CATSPER4: variants seen among roughly 807,000 people sequenced by gnomAD.
CATSPER4 encodes the protein cation channel sperm-associated protein 4.
In CATSPER4, 46 loss-of-function variants were observed where a neutral mutation model predicts 54.4. That is an observed-to-expected ratio of 0.84 (90% CI 0.67 to 1.08). The LOEUF (loss-of-function observed/expected upper bound fraction) is 1.08, where lower values mean the gene tolerates loss of function less well. CATSPER4 is among the 50% of genes least tolerant of loss of function. The probability of loss-of-function intolerance (pLI) is 0.00; values close to 1 mark genes in which losing one functional copy is unlikely to be tolerated. For synonymous variants in CATSPER4, 230 were observed against 231.9 expected (o/e 0.99, Z 0.08); for missense variants, 574 against 612.8 (o/e 0.94, Z 0.67).
At chr1:26,196,143 C>CT (rs2088935215) in intron 3 of CATSPER4, among the ~76,000 whole-genome samples, 2 of 119,218 alleles carry the variant, frequency 1.7e-5, no homozygotes, top group African/African-American at 7.3e-5. Flanking sequence ...TCTTTCTTTT[C>CT]CTTTTTTTTT....
At position 26,198,035 on chromosome 1, in the gene CATSPER4, T is replaced by C; in HGVS notation, c.636T>C (p.Pro212=). The C allele has an allele frequency of 6.2e-7, 1 of 1,614,002 alleles. No homozygotes were observed. The highest frequency in any genetic ancestry group is 1.3e-5 in the African/African-American group (1 of 75,036). ...TCCGCGTCATCCTGCAGTCGGTGCC[T>C]GACATGGCCAATATCATGGTCCTCA... ...RIIRVILQSV[P]DMANIMVLIL... Residue 212 remains proline, a synonymous_variant, in exon 5 of 10, where the codon CCT becomes CCC. Transcript: ENST00000456354.
Position 26,202,661 on chromosome 1 carries a change from C to A in CATSPER4, c.*119C>A. ...GCCCATCCTCTCCCTTATACCTGGGCAGAGGCCAGGGGCTGTGAAGGTGGC... is the reference window on the plus strand; with the variant it reads ...GCCCATCCTCTCCCTTATACCTGGGAAGAGGCCAGGGGCTGTGAAGGTGGC... On this transcript the variant is annotated 3_prime_UTR_variant, in exon 10 of 10. Coordinates refer to ENST00000456354, the MANE Select transcript of CATSPER4 (RefSeq NM_198137.2). The A allele has an allele frequency of 1.0e-6, 1 of 967,162 alleles. No individual in the cohort carries two copies. Among genetic ancestry groups the A allele is most frequent in the Non-Finnish European group, 1.6e-6 (1 of 616,448 alleles). The allele number at this position is 967,162 out of a possible 1,614,324, so 59.9% of individuals were successfully genotyped here.
rs149417932 is a variant in CATSPER4, at chr1:26,201,434, G to A, written c.1280G>A (p.Gly427Glu). 71 of 1,614,006 alleles carry A rather than the reference G, an allele frequency of 4.4e-5. No individual in the cohort carries two copies. The African/African-American group carries it at 9.2e-4, about 21-fold the overall frequency. The change falls in exon 9 of 10, where the codon GGG (glycine) becomes GAG (glutamate). Residue 427 changes from glycine to glutamate, a missense_variant. Coordinates refer to ENST00000456354, the MANE Select transcript of CATSPER4 (RefSeq NM_198137.2). ...EVLNRRSSTS[G>E]SLETTSSKDI... Reference sequence around the variant, plus strand: ...TTGAACAGGCGCTCGTCGACGAGCGGGTCGTTGGAGACTACGTCATCCAAG... The same window carrying A: ...TTGAACAGGCGCTCGTCGACGAGCGAGTCGTTGGAGACTACGTCATCCAAG...
Position 26,198,314 on chromosome 1 carries a change from T to A in CATSPER4, c.707T>A (p.Phe236Tyr). 6.2e-7 allele frequency: 1 copy of A among 1,614,208 alleles called. No homozygotes were observed. The highest frequency in any genetic ancestry group is 8.5e-7 in the Non-Finnish European group (1 of 1,180,026). The change falls in exon 6 of 10, where the codon TTT becomes TAT. Residue 236 changes from phenylalanine to tyrosine, a missense_variant. Coordinates refer to ENST00000456354, the MANE Select transcript of CATSPER4 (RefSeq NM_198137.2). ...TTTTCCGTGTTTGGAGTAACACTCT[T>A]TGGTGCATTCGTGCCCAAGCATTTC... ...LVFSVFGVTL[F>Y]GAFVPKHFQN... is the part of the protein sequence containing the mutation.
rs114243558 is a variant in CATSPER4, at chr1:26,197,999, C to T, written c.600C>T (p.Leu200=). The T allele has an allele frequency of 3.0e-5, 48 of 1,613,866 alleles. No individual in the cohort carries two copies. In the East Asian group the frequency reaches 5.3e-4, roughly 18 times the overall value. Residue 200 remains leucine, a synonymous_variant, in exon 5 of 10, where the codon CTC becomes CTT. Coordinates refer to ENST00000456354, the MANE Select transcript of CATSPER4 (RefSeq NM_198137.2). The part of the protein sequence containing the change: ...LVHVCMAVEP[L]ARIIRVILQS... ...ATGTGTGCATGGCGGTGGAGCCCCTCGCCCGGATCATCCGCGTCATCCTGC... is the reference window on the plus strand; with the variant it reads ...ATGTGTGCATGGCGGTGGAGCCCCTTGCCCGGATCATCCGCGTCATCCTGC...
intron 3 of CATSPER4, among the ~76,000 whole-genome samples, chr1:26,194,643 C>T (rs1216664120): frequency 2.0e-5 from 3 of 152,192 alleles, no homozygotes; most frequent in Non-Finnish European, 4.4e-5. Context: ...ACAACAGGAG[C>T]TACATGCTGA....
In CATSPER4 at chr1:26,202,702, G is replaced by A. The variant is rs142388907; in HGVS notation, c.*160G>A. 1.4e-3 allele frequency: 959 copies of A among 697,528 alleles called. 2 individuals carry two copies. The highest frequency in any genetic ancestry group is 5.8e-3 in the Middle Eastern group (15 of 2,572). The allele number at this position is 697,528 out of a possible 1,614,324, so 43.2% of individuals were successfully genotyped here. A position where few individuals can be genotyped will look rare whatever the true frequency, so the allele number is the denominator to read the frequency against. Reference sequence around the variant, plus strand: ...TGAAGGTGGCAGCACCTGCAGGTCTGGTGCCTGTGAGCCCCAGGTCCGGTG... The same window carrying A: ...TGAAGGTGGCAGCACCTGCAGGTCTAGTGCCTGTGAGCCCCAGGTCCGGTG... On this transcript the variant is annotated 3_prime_UTR_variant, in exon 10 of 10. Transcript: ENST00000456354.
rs57458709 is a variant in CATSPER4, at chr1:26,197,197, C to T, written c.460-489C>T. On this transcript the variant is annotated intron_variant, in intron 3 of 9. Coordinates refer to ENST00000456354, the MANE Select transcript of CATSPER4 (RefSeq NM_198137.2). ...CTGGGATTACAGGTGTGAGCCATCG[C>T]GCCTGGCCCGCCTGTCTCCCTTTCT... Among the ~76,000 whole-genome samples the T allele has an allele frequency of 4.3e-3, 658 of 152,266 alleles. 5 individuals carry two copies. Among genetic ancestry groups the T allele is most frequent in the African/African-American group, 0.015 (622 of 41,552 alleles).
In CATSPER4 at chr1:26,191,473, G is replaced by A. The variant is rs781022634; in HGVS notation, c.357+43G>A. 1.9e-5 allele frequency: 30 copies of A among 1,609,228 alleles called. No homozygotes were observed. The Admixed American group carries it at 4.5e-4, about 24-fold the overall frequency. ...CCTCTGCCCCACTAACCCTAATGGGGGGCCTGGGGCAAGAACTCTTCCGGC... is the reference window on the plus strand; with the variant it reads ...CCTCTGCCCCACTAACCCTAATGGGAGGCCTGGGGCAAGAACTCTTCCGGC... On this transcript the variant is annotated intron_variant, in intron 2 of 9. Coordinates refer to ENST00000456354, the MANE Select transcript of CATSPER4 (RefSeq NM_198137.2).
At position 26,190,791 on chromosome 1, in the gene CATSPER4, G is replaced by A. The variant is rs1437800889; in HGVS notation, c.164G>A (p.Arg55Gln). The change falls in exon 1 of 10, where the codon CGG (arginine) becomes CAG (glutamine). Residue 55 changes from arginine to glutamine, a missense_variant. Coordinates refer to ENST00000456354, the MANE Select transcript of CATSPER4 (RefSeq NM_198137.2). The part of the protein sequence containing the change: ...LQSTIHESYG[R>Q]PEEQVLINRQ... Reference sequence around the variant, plus strand: ...AGTACCATTCACGAGTCCTACGGTCGGCCAGAGGAGCAAGTGCTCATCAAC... The same window carrying A: ...AGTACCATTCACGAGTCCTACGGTCAGCCAGAGGAGCAAGTGCTCATCAAC... 9.9e-6 allele frequency: 16 copies of A among 1,613,028 alleles called. No individual in the cohort carries two copies. Among genetic ancestry groups the A allele is most frequent in the Middle Eastern group, 1.7e-4 (1 of 6,010 alleles).
Position 26,198,377 on chromosome 1 carries a change from G to A in CATSPER4, c.770G>A (p.Cys257Tyr). 1 of 1,614,120 alleles carries A rather than the reference G, an allele frequency of 6.2e-7. No homozygotes were observed. The highest frequency in any genetic ancestry group is 8.5e-7 in the Non-Finnish European group (1 of 1,180,026). ...IQVALYTLFICITQDGWVDIY... is the reference protein window; with the variant it reads ...IQVALYTLFIYITQDGWVDIY... ...GTTGCGCTGTACACCCTCTTCATCT[G>A]CATCACCCAGGACGGCTGGGTGGAC... Residue 257 changes from cysteine to tyrosine, a missense_variant, in exon 6 of 10, where the codon TGC becomes TAC. By Grantham distance (194) the Cys-to-Tyr change is radical. Coordinates refer to ENST00000456354, the MANE Select transcript of CATSPER4 (RefSeq NM_198137.2).
At chr1:26,201,665 TTTTTTC>T in intron 9 of CATSPER4, 146 bp downstream of exon 9, 1 of 720,374 alleles carries the variant, frequency 1.4e-6, no homozygotes, top group Non-Finnish European at 2.4e-6. Flanking sequence ...CTTTTTTTTC[TTTTTTC>T]TTTTTCTTTC....
chr1:26,193,936 C>T (rs2088904968), intron 3 of CATSPER4, 48 bp downstream of exon 3: 1 of 1,262,672 alleles, frequency 7.9e-7, no homozygotes, highest in South Asian at 1.2e-5. Flanking sequence ...GGACTGCACA[C>T]CACCCAGTCT....
At position 26,200,042 on chromosome 1, in the gene CATSPER4, GAAT is replaced by G. The variant is rs1557632309; in HGVS notation, c.974_976del (p.Ile325del). 1 of 1,613,568 alleles carries G rather than the reference GAAT, an allele frequency of 6.2e-7. No individual in the cohort carries two copies. Among genetic ancestry groups the G allele is most frequent in the Admixed American group, 1.7e-5 (1 of 59,892 alleles). On this transcript the variant is annotated inframe_deletion, in exon 7 of 10. Transcript: ENST00000456354. Reference sequence around the variant, plus strand: ...GCAGGAGAGCAGGGACAACAGCAACGAATAACCTTTAGTGAGGTGCGTGGGATG... The same window carrying G: ...GCAGGAGAGCAGGGACAACAGCAACGAACCTTTAGTGAGGTGCGTGGGATG...
chr1:26,194,677 G>A (rs2088910316), intron 3 of CATSPER4, among the ~76,000 whole-genome samples: 1 of 152,226 alleles, frequency 6.6e-6, no homozygotes, highest in African/African-American at 2.4e-5. Context: ...TGGATCTGCA[G>A]ACAGGCAGAC....
intron 3 of CATSPER4, among the ~76,000 whole-genome samples, chr1:26,194,649 G>A (rs11809207): frequency 0.19 from 28,447 of 152,170 alleles, 2,938 homozygotes; most frequent in Middle Eastern, 0.27. Context: ...GGAGCTACAT[G>A]CTGAATTGAT....
intron 5 of CATSPER4, 26 bp from the exon 6 acceptor site, chr1:26,198,260 G>A (rs750788665): frequency 1.2e-6 from 2 of 1,614,198 alleles, no homozygotes; most frequent in East Asian, 4.5e-5. Flanking sequence ...GGTGAAGTCG[G>A]GGTGGGGCTC....
chr1:26,197,367 C>T (rs932376574), intron 3 of CATSPER4, among the ~76,000 whole-genome samples: 1 of 152,190 alleles, frequency 6.6e-6, no homozygotes, highest in Non-Finnish European at 1.5e-5. Flanking sequence ...ATGTTACCTA[C>T]CTGTAGGGCA....
chr1:26,191,525 G>T (rs527657916), intron 2 of CATSPER4, 95 bp downstream of exon 2: 4 of 1,414,632 alleles, frequency 2.8e-6, no homozygotes, highest in African/African-American at 2.8e-5. Context: ...GTCTATGATG[G>T]TTGGATTGGA....
Sources: allele counts gnomAD v4.1 joint callset (sites outside exome capture counted in the v4.1 genomes callset), GRCh38; gene constraint gnomAD v4.1.1; transcripts MANE v1.5; gene names NCBI Gene and HGNC (gene_info 2026-07-23, HGNC 2026-07-21).